Variants in BMPER observed in about 807,000 individuals in gnomAD.
BMPER encodes BMP binding endothelial regulator, also known as BMP-binding endothelial regulator protein.
In BMPER, 45 loss-of-function variants were observed where a neutral mutation model predicts 87.3. The ratio of observed to expected loss-of-function variants is 0.52; its 90% CI spans 0.41 to 0.66. BMPER has a LOEUF of 0.66. BMPER is among the 30% of genes least tolerant of loss of function. The pLI is 0.00. For missense variants in BMPER, 784 were observed against 867.5 expected (o/e 0.90, Z 1.21); for synonymous variants, 326 against 316.2 (o/e 1.03, Z -0.33).
At chr7:33,923,333 C>G (rs148414964) in intron 2 of BMPER, among the ~76,000 whole-genome samples, 1 of 152,338 alleles carries the variant, frequency 6.6e-6, no homozygotes, top group African/African-American at 2.4e-5. Context: ...ACACACCCGT[C>G]TGTAATACTC....
At chr7:34,074,839 T>G (rs1788821526) in intron 11 of BMPER, among the ~76,000 whole-genome samples, 1 of 152,234 alleles carries the variant, frequency 6.6e-6, no homozygotes, top group Non-Finnish European at 1.5e-5. Flanking sequence ...AAATTTCATG[T>G]ACAGAATTAT....
At chr7:34,150,706 A>G (rs954601772) in intron 14 of BMPER, among the ~76,000 whole-genome samples, 8 of 152,170 alleles carry the variant, frequency 5.3e-5, no homozygotes, top group Non-Finnish European at 8.8e-5. Flanking sequence ...GGTTATGTCA[A>G]TCCACCCACT....
At chr7:34,005,288 A>G (rs1166343070) in intron 6 of BMPER, among the ~76,000 whole-genome samples, 1 of 152,120 alleles carries the variant, frequency 6.6e-6, no homozygotes, top group African/African-American at 2.4e-5. Flanking sequence ...TTTTAAAACT[A>G]TTGTAACACT....
intron 13 of BMPER, among the ~76,000 whole-genome samples, chr7:34,135,187 T>G (rs1790689801): frequency 6.6e-6 from 1 of 152,168 alleles, no homozygotes; most frequent in Non-Finnish European, 1.5e-5. Context: ...AAGTAAGAGA[T>G]TCACTGTGAA....
chr7:34,078,457 C>G (rs901397778), intron 11 of BMPER, among the ~76,000 whole-genome samples: 8 of 152,074 alleles, frequency 5.3e-5, no homozygotes, highest in Admixed American at 5.2e-4. Flanking sequence ...ATGCTAATGT[C>G]TTGGTGTATT....
chr7:33,910,203 A>C (rs921009811), intron 2 of BMPER, among the ~76,000 whole-genome samples: 3 of 152,210 alleles, frequency 2.0e-5, no homozygotes, highest in African/African-American at 7.2e-5. Context: ...ACTTTTCCCT[A>C]CCTTACAAAA....
intron 3 of BMPER, among the ~76,000 whole-genome samples, chr7:33,957,463 C>A (rs1785174908): frequency 6.6e-6 from 1 of 151,462 alleles, no homozygotes; most frequent in Non-Finnish European, 1.5e-5. Context: ...AAGAAGCAAA[C>A]TGAGTGTTGC....
intron 9 of BMPER, among the ~76,000 whole-genome samples, chr7:34,057,199 C>A (rs972622403): frequency 2.0e-4 from 30 of 152,132 alleles, no homozygotes; most frequent in African/African-American, 6.8e-4. Flanking sequence ...TCTGCAAGCT[C>A]AGGAAGGAAT....
At chr7:34,011,065 G>A (rs1206797047) in intron 6 of BMPER, among the ~76,000 whole-genome samples, 1 of 151,760 alleles carries the variant, frequency 6.6e-6, no homozygotes, top group East Asian at 1.9e-4. Context: ...CATATATGGT[G>A]TTTTCTCTGA....
intron 6 of BMPER, among the ~76,000 whole-genome samples, chr7:33,990,645 A>C (rs1181649575): frequency 6.6e-6 from 1 of 151,308 alleles, no homozygotes; most frequent in Admixed American, 6.6e-5. Flanking sequence ...AGAACTTCCA[A>C]AACTATGTTG....
intron 2 of BMPER, among the ~76,000 whole-genome samples, chr7:33,925,511 A>G (rs984054836): frequency 1.3e-5 from 2 of 152,208 alleles, no homozygotes; most frequent in Non-Finnish European, 2.9e-5. Flanking sequence ...TTAAAAATAG[A>G]TATTACCACT....
chr7:34,020,543 A>C (rs1204701169), intron 6 of BMPER, among the ~76,000 whole-genome samples: 1 of 151,964 alleles, frequency 6.6e-6, no homozygotes, highest in Admixed American at 6.6e-5. Flanking sequence ...TTTGATCCTG[A>C]AGTTCTGGGT....
intron 13 of BMPER, among the ~76,000 whole-genome samples, chr7:34,090,256 C>T (rs1358427280): frequency 3.3e-5 from 5 of 152,210 alleles, no homozygotes; most frequent in Non-Finnish European, 7.3e-5. Context: ...AGGCAGTGTA[C>T]TGTGTACCCA....
intron 6 of BMPER, among the ~76,000 whole-genome samples, chr7:34,013,391 T>C (rs1372485520): frequency 6.6e-6 from 1 of 151,846 alleles, no homozygotes; most frequent in African/African-American, 2.4e-5. Context: ...AAGCTTCTAT[T>C]GTCTCTCAGT....
chr7:33,982,293 C>T (rs867293713), intron 6 of BMPER, among the ~76,000 whole-genome samples: 6 of 152,036 alleles, frequency 3.9e-5, no homozygotes, highest in Non-Finnish European at 7.4e-5. Flanking sequence ...TCCCTGTCCA[C>T]GGGGAGAAAT....
At chr7:34,040,058 G>C (rs190352093) in intron 6 of BMPER, among the ~76,000 whole-genome samples, 13 of 152,186 alleles carry the variant, frequency 8.5e-5, no homozygotes, top group African/African-American at 2.9e-4. Context: ...AATGGGATGA[G>C]AGTAGAATTA....
At chr7:34,071,878 A>T (rs971187994) in intron 11 of BMPER, among the ~76,000 whole-genome samples, 2 of 152,206 alleles carry the variant, frequency 1.3e-5, no homozygotes, top group Non-Finnish European at 2.9e-5. Flanking sequence ...GACAGCATTG[A>T]TCAGTCTTTT....
intron 2 of BMPER, among the ~76,000 whole-genome samples, chr7:33,913,598 C>T (rs1363773822): frequency 6.6e-6 from 1 of 152,164 alleles, no homozygotes; most frequent in Non-Finnish European, 1.5e-5. Context: ...TCTTTGACTA[C>T]ATTCCAGTTC....
intron 6 of BMPER, among the ~76,000 whole-genome samples, chr7:34,036,241 C>G (rs980116744): frequency 2.6e-5 from 4 of 152,112 alleles, no homozygotes; most frequent in Admixed American, 1.3e-4. Flanking sequence ...AAAGTTTGAA[C>G]TTTGATAAAA....
Sources: allele counts gnomAD v4.1 joint callset (sites outside exome capture counted in the v4.1 genomes callset), GRCh38; gene constraint gnomAD v4.1.1; transcripts MANE v1.5; gene names NCBI Gene and HGNC (gene_info 2026-07-23, HGNC 2026-07-21).